Variants in SCN8A observed in about 807,000 individuals in gnomAD.
The protein encoded by SCN8A is sodium voltage-gated channel alpha subunit 8.
A neutral mutation model predicts 184.1 loss-of-function variants in SCN8A; 30 were observed. The observed-to-expected ratio is 0.16, with a 90% CI of 0.12 to 0.22. The LOEUF is 0.22. Ranked by LOEUF, SCN8A falls within the 10% of genes least tolerant of loss-of-function variation. SCN8A has a pLI of 1.00. For synonymous variants in SCN8A, 852 were observed against 907.0 expected (o/e 0.94, Z 1.09); for missense variants, 1,057 against 2,498.9 (o/e 0.42, Z 12.30).
chr12:51,638,247 C>T (rs1023060908), intron 1 of SCN8A, among the ~76,000 whole-genome samples: 5 of 152,232 alleles, frequency 3.3e-5, no homozygotes, highest in African/African-American at 1.2e-4. Context: ...TGCCAGCTAA[C>T]ACAACATCCA....
At chr12:51,613,939 ATT>A (rs753961971) in intron 1 of SCN8A, among the ~76,000 whole-genome samples, 2 of 152,042 alleles carry the variant, frequency 1.3e-5, no homozygotes, top group Non-Finnish European at 2.9e-5. Flanking sequence ...ATATTTTACA[ATT>A]TGTTAGGGTT....
chr12:51,796,888 C>T (rs889505286), intron 26 of SCN8A, among the ~76,000 whole-genome samples: 3 of 152,208 alleles, frequency 2.0e-5, no homozygotes, highest in Non-Finnish European at 4.4e-5. Context: ...AGCAAGTCAG[C>T]TTCTTCCATC....
chr12:51,661,297 G>A (rs1261043941), intron 1 of SCN8A, among the ~76,000 whole-genome samples: 7 of 152,150 alleles, frequency 4.6e-5, no homozygotes, highest in Admixed American at 4.6e-4. Flanking sequence ...CTGTAGGATG[G>A]TGGTGGTTTT....
At chr12:51,667,733 T>A (rs1941059527) in intron 2 of SCN8A, among the ~76,000 whole-genome samples, 1 of 152,244 alleles carries the variant, frequency 6.6e-6, no homozygotes, top group Non-Finnish European at 1.5e-5. Context: ...GCCTTCAGAA[T>A]TGACTCCTAT....
chr12:51,718,720 AATC>A (rs1454557996), intron 11 of SCN8A, among the ~76,000 whole-genome samples: 1 of 150,234 alleles, frequency 6.7e-6, no homozygotes, highest in Non-Finnish European at 1.5e-5. Flanking sequence ...GATAAGATAA[AATC>A]ATATTAAAAA....
chr12:51,743,864 G>A lies in SCN8A; in HGVS notation c.1999-2039G>A, dbSNP rs189233436. On this transcript the variant is annotated intron_variant, in intron 12 of 26. Transcript: ENST00000627620. ...ATTTCTTAGCACTTTGGGAGTCCAA[G>A]GTGGGTGGATCACCTGAGGCCAGGA... Among the ~76,000 whole-genome samples, 13 of 152,334 alleles carry A rather than the reference G, an allele frequency of 8.5e-5. No individual in the cohort carries two copies. In the East Asian group the frequency reaches 2.5e-3, roughly 29 times the overall value.
At chr12:51,609,616 G>A (rs936044344) in intron 1 of SCN8A, among the ~76,000 whole-genome samples, 1 of 152,180 alleles carries the variant, frequency 6.6e-6, no homozygotes, top group Non-Finnish European at 1.5e-5. Flanking sequence ...TAGGCTGGGG[G>A]CAGTGGCTCA....
At position 51,807,173 on chromosome 12, in the gene SCN8A, A is replaced by G. The variant is rs761793809; in HGVS notation, c.5687A>G (p.Glu1896Gly). The change falls in exon 27 of 27, where the codon GAG (glutamate) becomes GGG (glycine). Residue 1896 changes from glutamate (E) to glycine (G), a missense_variant. Transcript: ENST00000627620. This position sits in a 1 kb window ranked among gnomAD's most constrained non-coding sequence, Gnocchi z 4.5. ...ACCACACTGCGTCGCAAGCAGGAGG[A>G]GGTATCTGCAGTGGTCCTGCAGCGT... ...ITTTLRRKQE[E>G]VSAVVLQRAY... is the part of the protein sequence containing the mutation. 7 of 1,613,818 alleles carry G rather than the reference A, an allele frequency of 4.3e-6. No individual in the cohort carries two copies. Among genetic ancestry groups the G allele is most frequent in the Admixed American group, 3.3e-5 (2 of 60,000 alleles).
At chr12:51,603,085 T>A (rs1406169885) in intron 1 of SCN8A, among the ~76,000 whole-genome samples, 1 of 152,160 alleles carries the variant, frequency 6.6e-6, no homozygotes, top group African/African-American at 2.4e-5. Context: ...TTTTTACACA[T>A]GTATAGGTTC....
At chr12:51,666,309 A>G (rs1161615645) in intron 2 of SCN8A, among the ~76,000 whole-genome samples, 1 of 152,082 alleles carries the variant, frequency 6.6e-6, no homozygotes, top group African/African-American at 2.4e-5. Flanking sequence ...TTCATCTTCC[A>G]CTCTTAAGAA....
chr12:51,601,811 A>G (rs1370572893), intron 1 of SCN8A, among the ~76,000 whole-genome samples: 2 of 144,168 alleles, frequency 1.4e-5, no homozygotes, highest in East Asian at 2.0e-4. Context: ...CTTGGGCTCT[A>G]CCCTGGAGCC....
chr12:51,695,839 A>T (rs1941583643), intron 6 of SCN8A, among the ~76,000 whole-genome samples: 1 of 152,326 alleles, frequency 6.6e-6, no homozygotes. Context: ...TTTAGGTCAG[A>T]TGTCCACCCA....
At chr12:51,721,942 G>A in intron 12 of SCN8A, 34 bp downstream of exon 12, 1 of 1,599,466 alleles carries the variant, frequency 6.3e-7, no homozygotes. Context: ...CGATGACAGT[G>A]TAAGGAAGAA....
chr12:51,688,889 G>T, intron 5 of SCN8A, 116 bp from the exon 6 acceptor site: 1 of 1,568,488 alleles, frequency 6.4e-7, no homozygotes, highest in Non-Finnish European at 8.8e-7. Flanking sequence ...TTGGGATAGG[G>T]CCCTGACGTG....
intron 12 of SCN8A, among the ~76,000 whole-genome samples, chr12:51,731,204 T>C (rs967072544): frequency 3.3e-5 from 5 of 152,200 alleles, no homozygotes; most frequent in African/African-American, 1.2e-4. Flanking sequence ...GATAGTGCAG[T>C]TATCTCTTTG....
chr12:51,661,608 A>G (rs893150073), intron 1 of SCN8A, among the ~76,000 whole-genome samples: 5 of 152,200 alleles, frequency 3.3e-5, no homozygotes, highest in African/African-American at 9.6e-5. Context: ...AGGGGAAAGA[A>G]CAATCTTTAG....
At chr12:51,641,510 G>T (rs898003866) in intron 1 of SCN8A, among the ~76,000 whole-genome samples, 2 of 152,176 alleles carry the variant, frequency 1.3e-5, no homozygotes, top group African/African-American at 2.4e-5. Context: ...TTGTGACCCT[G>T]AGCAAGTTAC....
At chr12:51,790,675 C>T (rs1472500993) in intron 25 of SCN8A, among the ~76,000 whole-genome samples, 173 bp downstream of exon 25, 1 of 152,164 alleles carries the variant, frequency 6.6e-6, no homozygotes, top group African/African-American at 2.4e-5. Flanking sequence ...GGGATTAAGG[C>T]ATGGGGGCTT....
intron 2 of SCN8A, among the ~76,000 whole-genome samples, 193 bp from the exon 3 acceptor site, chr12:51,683,981 T>C (rs1370246268): frequency 1.3e-5 from 2 of 152,208 alleles, no homozygotes; most frequent in African/African-American, 2.4e-5. Flanking sequence ...GCTATTTGTA[T>C]TATAATCTGG....
Sources: allele counts gnomAD v4.1 joint callset (sites outside exome capture counted in the v4.1 genomes callset), GRCh38; gene constraint gnomAD v4.1.1; non-coding constraint Gnocchi (gnomAD v3.1); transcripts MANE v1.5; gene names NCBI Gene and HGNC (gene_info 2026-07-23, HGNC 2026-07-21).